Variants in GFRA3 observed in about 807,000 individuals in gnomAD.
GFRA3 encodes GDNF family receptor alpha-3.
A neutral mutation model predicts 40.0 loss-of-function variants in GFRA3; 24 were observed. That is an observed-to-expected ratio of 0.60 (90% CI 0.43 to 0.84). The LOEUF is 0.84. Among genes scored for constraint, GFRA3 ranks in the 40% least tolerant of loss-of-function variants. The pLI, the probability that GFRA3 is intolerant of heterozygous loss-of-function variation, is 0.00. For synonymous variants in GFRA3, 203 were observed against 213.5 expected (o/e 0.95, Z 0.43); for missense variants, 405 against 530.6 (o/e 0.76, Z 2.33).
intron 2 of GFRA3, among the ~76,000 whole-genome samples, chr5:138,260,742 C>G (rs1267706441): frequency 6.6e-6 from 1 of 151,550 alleles, no homozygotes; most frequent in Non-Finnish European, 1.5e-5. Context: ...GCACTCCAGC[C>G]TGGGCGACAG....
chr5:138,268,156 G>A (rs932699421), intron 1 of GFRA3, among the ~76,000 whole-genome samples: 1 of 151,652 alleles, frequency 6.6e-6, no homozygotes, highest in African/African-American at 2.4e-5. Flanking sequence ...GTGATGGCGG[G>A]CGCCTGTAAT....
rs1035635273 is a variant in GFRA3 at position 138,274,416 on chromosome 5, G to A, written c.9C>T (p.Arg3=). MV[R]PLNPRPLPPV... is the part of the protein sequence containing the mutation. ...GCGGCAGCGGTCGCGGGTTCAGGGGGCGCACCATGGCGAGCTGTAGGCGCC... is the reference window on the plus strand; with the variant it reads ...GCGGCAGCGGTCGCGGGTTCAGGGGACGCACCATGGCGAGCTGTAGGCGCC... The change falls in exon 1 of 8, where the codon CGC becomes CGT. Residue 3 remains arginine (R), a synonymous_variant. Coordinates refer to ENST00000274721, the MANE Select transcript of GFRA3 (RefSeq NM_001496.4). 1.3e-5 allele frequency: 17 copies of A among 1,307,996 alleles called. No individual in the cohort carries two copies. Among genetic ancestry groups the A allele is most frequent in the African/African-American group, 3.1e-5 (2 of 65,210 alleles). 81.0% of individuals were successfully genotyped at this position (1,307,996 alleles called of 1,614,324 possible). A position where few individuals can be genotyped will look rare whatever the true frequency, so the allele number is the denominator to read the frequency against.
At chr5:138,261,461 C>A (rs1295366381) in intron 2 of GFRA3, among the ~76,000 whole-genome samples, 1 of 151,834 alleles carries the variant, frequency 6.6e-6, no homozygotes, top group Admixed American at 6.6e-5. Context: ...TTTGGGAGGC[C>A]GAGGCAGGCA....
intron 6 of GFRA3, 78 bp from the exon 7 acceptor site, chr5:138,253,453 T>A: frequency 1.1e-6 from 1 of 919,860 alleles, no homozygotes; most frequent in South Asian, 1.4e-5. Flanking sequence ...GGAAAGGGAA[T>A]GCCACAGGGA....
rs375045686 is a variant in GFRA3, at chr5:138,254,067, C to T, written c.879G>A (p.Leu293=). The T allele has an allele frequency of 6.2e-7, 1 of 1,608,842 alleles. No homozygotes were observed. Among genetic ancestry groups the T allele is most frequent in the African/African-American group, 1.3e-5 (1 of 74,800 alleles). ...TEQSRCLRAY[L]GLIGTAMTPN... is the part of the protein sequence containing the mutation. ...TGCCCCCAGCCTCACCAATCAGCCC[C>T]AGGTATGCTCGTAGACATCTGGACT... Residue 293 remains leucine, a synonymous_variant, in exon 5 of 8, where the codon CTG becomes CTA. Transcript: ENST00000274721.
chr5:138,262,592 A>G (rs896823005), intron 2 of GFRA3, among the ~76,000 whole-genome samples: 16 of 152,088 alleles, frequency 1.1e-4, no homozygotes, highest in African/African-American at 3.9e-4. Flanking sequence ...AGCTGGGACC[A>G]CAGGTGTGCA....
chr5:138,254,876 T>TTGAGCTC (rs1755604003), intron 4 of GFRA3, among the ~76,000 whole-genome samples: 1 of 151,674 alleles, frequency 6.6e-6, no homozygotes, highest in South Asian at 2.1e-4. Flanking sequence ...GGAGAATCAG[T>TTGAGCTC]TGAGCTCAGG....
intron 6 of GFRA3, 118 bp from the exon 7 acceptor site, chr5:138,253,493 G>A (rs1755580454): frequency 1.4e-6 from 1 of 733,826 alleles, no homozygotes; most frequent in Non-Finnish European, 2.5e-6. Flanking sequence ...AAGTGGGTGG[G>A]AGGTGGAAGT....
intron 3 of GFRA3, 26 bp downstream of exon 3, chr5:138,259,531 T>G: frequency 1.9e-6 from 2 of 1,042,792 alleles, no homozygotes; most frequent in South Asian, 2.5e-5. Context: ...CAGCCTCTGG[T>G]TCCCGAGCCT....
Position 138,264,520 on chromosome 5 carries a change from G to A in GFRA3, c.120C>T (p.Leu40=), listed in dbSNP as rs1283604905. The part of the protein sequence containing the change: ...AGDPLPTESR[L]MNSCLQARRK... ...TCCTGGCCTGGAGACAGCTGTTCATGAGTCGGCTTTCTGTGGGAAGGGGGT... is the reference window on the plus strand; with the variant it reads ...TCCTGGCCTGGAGACAGCTGTTCATAAGTCGGCTTTCTGTGGGAAGGGGGT... Residue 40 remains leucine, a synonymous_variant, in exon 2 of 8, where the codon CTC becomes CTT. Coordinates refer to ENST00000274721, the MANE Select transcript of GFRA3 (RefSeq NM_001496.4). The A allele has an allele frequency of 1.2e-6, 2 of 1,609,576 alleles. No individual in the cohort carries two copies. The highest frequency in any genetic ancestry group is 2.7e-5 in the African/African-American group (2 of 74,860).
chr5:138,266,366 CT>C (rs1421054465), intron 1 of GFRA3, among the ~76,000 whole-genome samples: 1 of 152,148 alleles, frequency 6.6e-6, no homozygotes, highest in Non-Finnish European at 1.5e-5. Flanking sequence ...TATAACCATC[CT>C]TGTGAGCATG....
At chr5:138,273,331 A>G (rs1279325943) in intron 1 of GFRA3, among the ~76,000 whole-genome samples, 1 of 152,194 alleles carries the variant, frequency 6.6e-6, no homozygotes, top group African/African-American at 2.4e-5. Context: ...ATTACTGTGG[A>G]AAATAGATCT....
At chr5:138,253,697 G>T in intron 6 of GFRA3, 69 bp downstream of exon 6, 5 of 1,465,276 alleles carry the variant, frequency 3.4e-6, no homozygotes, top group South Asian at 2.4e-5. Flanking sequence ...CCACAGAGTC[G>T]ACCCTTTTCC....
At chr5:138,274,269 G>C in intron 1 of GFRA3, 65 bp downstream of exon 1, 3 of 1,307,852 alleles carry the variant, frequency 2.3e-6, no homozygotes, top group East Asian at 2.8e-5. Flanking sequence ...GGTGCCCCGG[G>C]CCTCGCCTAC....
At chr5:138,267,588 C>A in intron 1 of GFRA3, 2 of 212,016 alleles carry the variant, frequency 9.4e-6, no homozygotes, top group South Asian at 1.7e-4. Context: ...ATGTTGTAGT[C>A]AGACAAAGCA....
chr5:138,264,697 A>G, intron 1 of GFRA3, 149 bp from the exon 2 acceptor site: 1 of 602,116 alleles, frequency 1.7e-6, no homozygotes, highest in Non-Finnish European at 2.9e-6. Flanking sequence ...AAGTGTGGAG[A>G]GAGAGAGAAG....
intron 3 of GFRA3, among the ~76,000 whole-genome samples, chr5:138,258,893 A>G (rs1414322111): frequency 6.6e-6 from 1 of 152,230 alleles, no homozygotes; most frequent in Non-Finnish European, 1.5e-5. Flanking sequence ...AGTAATTGCA[A>G]CAGGTTATTT....
In GFRA3 at chr5:138,257,838, AGAC is replaced by A; in HGVS notation, c.583_585del (p.Val195del). On this transcript the variant is annotated inframe_deletion, in exon 4 of 8. Coordinates refer to ENST00000274721, the MANE Select transcript of GFRA3 (RefSeq NM_001496.4). ...AAGAAAGTGAGCAGCTGCCTGAGGC[AGAC>A]GTGGCGCTGGCAGTGGGGCCCGGAG... The A allele has an allele frequency of 6.2e-7, 1 of 1,613,884 alleles. No homozygotes were observed. Among genetic ancestry groups the A allele is most frequent in the Non-Finnish European group, 8.5e-7 (1 of 1,179,938 alleles).
At chr5:138,263,210 G>A (rs577245951) in intron 2 of GFRA3, among the ~76,000 whole-genome samples, 354 of 151,818 alleles carry the variant, frequency 2.3e-3, no homozygotes, top group South Asian at 3.8e-3. Context: ...CAAGTGATCC[G>A]CCTGCCTTGG....
Sources: gnomAD v4.1 joint callset for allele counts (sites outside exome capture counted in the v4.1 genomes callset) on GRCh38, gnomAD v4.1.1 for gene constraint, MANE v1.5 for transcripts, NCBI Gene and HGNC (gene_info 2026-07-23, HGNC 2026-07-21) for gene names.